MCF2L: variants seen among roughly 807,000 people sequenced by gnomAD.
MCF2L encodes the protein MCF.2 cell line derived transforming sequence like.
MCF2L carries 97 observed loss-of-function variants against 153.4 expected under a neutral mutation model. The observed-to-expected ratio is 0.63, with a 90% CI of 0.54 to 0.75. The LOEUF (loss-of-function observed/expected upper bound fraction) is 0.75. Ranked by LOEUF, MCF2L falls within the 30% of genes least tolerant of loss-of-function variation. The pLI, the probability that MCF2L is intolerant of heterozygous loss-of-function variation, is 0.00. For missense variants in MCF2L, 1,347 were observed against 1,495.2 expected (o/e 0.90, Z 1.64); for synonymous variants, 659 against 632.2 (o/e 1.04, Z -0.64).
chr13:112,954,184 C>G (rs1289873819), intron 2 of MCF2L, among the ~76,000 whole-genome samples: 1 of 152,178 alleles, frequency 6.6e-6, no homozygotes, highest in Non-Finnish European at 1.5e-5. Flanking sequence ...CCTGCTCTGT[C>G]TCCCTGGAAC....
chr13:113,045,016 A>C lies in MCF2L; in HGVS notation c.279-255A>C, dbSNP rs1446702515. On this transcript the variant is annotated intron_variant, in intron 3 of 29. Coordinates refer to ENST00000535094, the MANE Select transcript of MCF2L (RefSeq NM_001112732.3). The surrounding 1 kb of genome is among the most constrained non-coding windows in gnomAD (Gnocchi z 4.2). ...AGAGATGGTTCTGCCTCAATCTGTGACTCGAGGTGGTTGGTGTTAGGCTGA... is the reference window on the plus strand; with the variant it reads ...AGAGATGGTTCTGCCTCAATCTGTGCCTCGAGGTGGTTGGTGTTAGGCTGA... 3.9e-6 allele frequency: 5 copies of C among 1,294,262 alleles called. No homozygotes were observed. The highest frequency in any genetic ancestry group is 5.4e-6 in the Non-Finnish European group (5 of 928,964). The allele number at this position is 1,294,262 out of a possible 1,614,324, so 80.2% of individuals were successfully genotyped here.
intron 3 of MCF2L, among the ~76,000 whole-genome samples, chr13:113,030,652 C>T (rs893034524): frequency 1.3e-5 from 2 of 152,190 alleles, no homozygotes; most frequent in African/African-American, 4.8e-5. Context: ...CAGGTGTGGG[C>T]CCTCGTTCGT....
At chr13:112,939,470 C>T (rs1015161943) in intron 2 of MCF2L, among the ~76,000 whole-genome samples, 2 of 152,210 alleles carry the variant, frequency 1.3e-5, no homozygotes, top group African/African-American at 4.8e-5. Flanking sequence ...TCTTGGTTAT[C>T]AACCTCTGGT....
chr13:112,899,068 GA>G (rs2081095758), intron 1 of MCF2L, among the ~76,000 whole-genome samples: 1 of 152,250 alleles, frequency 6.6e-6, no homozygotes, highest in African/African-American at 2.4e-5. Flanking sequence ...GCTCCTCGGG[GA>G]CAGGAGCTTC....
In MCF2L at chr13:113,045,181, T is replaced by C; in HGVS notation, c.279-90T>C. On this transcript the variant is annotated intron_variant, in intron 3 of 29. Transcript: ENST00000535094. This position sits in a 1 kb window ranked among gnomAD's most constrained non-coding sequence, Gnocchi z 4.2. ...GAAATGGCATCATGAATATGGGGGA[T>C]CGCTCTCCCAAGAGGTTTTCTGAGG... The C allele has an allele frequency of 8.9e-7, 1 of 1,121,640 alleles. No individual in the cohort carries two copies. The highest frequency in any genetic ancestry group is 1.4e-6 in the Non-Finnish European group (1 of 733,210). The allele number at this position is 1,121,640 out of a possible 1,614,324, so 69.5% of individuals were successfully genotyped here. A position where few individuals can be genotyped will look rare whatever the true frequency, so the allele number is the denominator to read the frequency against.
intron 2 of MCF2L, 33 bp downstream of exon 2, chr13:113,014,879 G>A (rs1312175127): frequency 6.2e-7 from 1 of 1,603,066 alleles, no homozygotes; most frequent in Admixed American, 1.7e-5. Flanking sequence ...GGGTGGAGAG[G>A]GAGGGGTCTG....
At chr13:113,088,698 G>T in intron 25 of MCF2L, 70 bp downstream of exon 25, 1 of 1,493,900 alleles carries the variant, frequency 6.7e-7, no homozygotes, top group Non-Finnish European at 9.1e-7. Flanking sequence ...TGCACGCCAG[G>T]GTCCTCGGCC....
At chr13:112,955,148 G>A (rs1005112816) in intron 2 of MCF2L, among the ~76,000 whole-genome samples, 2 of 152,198 alleles carry the variant, frequency 1.3e-5, no homozygotes, top group Non-Finnish European at 2.9e-5. Flanking sequence ...CAGGAGAGGA[G>A]TGAGGGGCTT....
chr13:113,032,866 C>T (rs1469087527), intron 3 of MCF2L, among the ~76,000 whole-genome samples: 3 of 152,240 alleles, frequency 2.0e-5, no homozygotes, highest in Non-Finnish European at 4.4e-5. Context: ...ATCGTGCCCG[C>T]CTGTGCCTTC....
intron 2 of MCF2L, among the ~76,000 whole-genome samples, chr13:112,923,421 G>A (rs1369332491): frequency 2.0e-5 from 3 of 151,520 alleles, no homozygotes; most frequent in African/African-American, 4.9e-5. Flanking sequence ...CCGCCACCAC[G>A]CCTGGCTAAT....
rs552213242 is a variant in MCF2L at position 113,077,265 on chromosome 13, G to A, written c.1660+54G>A. The A allele has an allele frequency of 2.1e-5, 31 of 1,453,122 alleles. No homozygotes were observed. In the South Asian group the frequency reaches 2.4e-4, roughly 11 times the overall value. 90.0% of individuals were successfully genotyped at this position (1,453,122 alleles called of 1,614,324 possible). ...GCTGTGGGACCCTCGGGGGAGCCCC[G>A]GGCGTTGAGAGCTTGGTACATCTGA... On this transcript the variant is annotated intron_variant, in intron 13 of 29. Coordinates refer to ENST00000535094, the MANE Select transcript of MCF2L (RefSeq NM_001112732.3).
chr13:112,980,014 C>T (rs374143108), intron 1 of MCF2L, among the ~76,000 whole-genome samples: 28 of 152,324 alleles, frequency 1.8e-4, no homozygotes, highest in African/African-American at 5.5e-4. Context: ...TACGAATTTC[C>T]GCTCCGATTG....
intron 2 of MCF2L, among the ~76,000 whole-genome samples, chr13:112,913,966 C>T (rs1325532876): frequency 6.6e-6 from 1 of 152,194 alleles, no homozygotes; most frequent in Non-Finnish European, 1.5e-5. Context: ...AATGCCTGCA[C>T]CTCGAGTCCA....
intron 2 of MCF2L, among the ~76,000 whole-genome samples, chr13:112,937,500 G>A (rs1477329870): frequency 6.6e-5 from 10 of 152,234 alleles, no homozygotes; most frequent in Admixed American, 6.5e-4. Context: ...TTGGAGGAAA[G>A]AGACTTTATT....
At chr13:113,080,992 G>A (rs1032626941) in intron 15 of MCF2L, among the ~76,000 whole-genome samples, 4 of 152,258 alleles carry the variant, frequency 2.6e-5, no homozygotes, top group African/African-American at 7.2e-5. Context: ...CTGCCGGCCA[G>A]TCTGGGAACC....
At chr13:112,994,315 A>G (rs574275863) in intron 1 of MCF2L, among the ~76,000 whole-genome samples, 3 of 150,204 alleles carry the variant, frequency 2.0e-5, no homozygotes, top group Non-Finnish European at 4.4e-5. Flanking sequence ...CGCCAAGCTG[A>G]CGTCACTGTC....
chr13:113,001,901 AC>A, intron 1 of MCF2L: 2 of 1,590,998 alleles, frequency 1.3e-6, no homozygotes, highest in Non-Finnish European at 1.7e-6. Context: ...CCTGACTCGC[AC>A]TGGGCAGCAT....
intron 1 of MCF2L, chr13:113,002,049 C>A: frequency 7.0e-7 from 1 of 1,438,602 alleles, no homozygotes; most frequent in African/African-American, 1.5e-5. Context: ...TGCGGGGACG[C>A]CGGGCGGGGG....
rs575457606 is a variant in MCF2L, at chr13:113,059,017, C to T, written c.370-1576C>T. Among the ~76,000 whole-genome samples, 1,403 of 140,736 alleles carry T rather than the reference C, an allele frequency of 1.0e-2. 11 individuals are homozygous for T. Among genetic ancestry groups the T allele is most frequent in the Admixed American group, 0.016 (229 of 13,968 alleles). The allele number at this position is 140,736 out of a possible 152,430, so 92.3% of individuals were successfully genotyped here. On this transcript the variant is annotated intron_variant, in intron 4 of 29. Coordinates refer to ENST00000535094, the MANE Select transcript of MCF2L (RefSeq NM_001112732.3). ...GTGCCATTTGGGTGCTGAGTGGGTG[C>T]TGAGTGTTTGGGTGCTGAGGACAGA...
Sources: allele counts gnomAD v4.1 joint callset (sites outside exome capture counted in the v4.1 genomes callset), GRCh38; gene constraint gnomAD v4.1.1; non-coding constraint Gnocchi (gnomAD v3.1); transcripts MANE v1.5; gene names NCBI Gene and HGNC (gene_info 2026-07-23, HGNC 2026-07-21).